Variants in PPARGC1A observed in about 807,000 individuals in gnomAD.
PPARGC1A encodes peroxisome proliferator-activated receptor gamma coactivator 1-alpha.
Under a neutral mutation model 88.7 loss-of-function variants are expected in PPARGC1A, and 25 were observed. The ratio of observed to expected loss-of-function variants is 0.28; its 90% CI spans 0.21 to 0.39. The LOEUF is 0.39. Ranked by LOEUF, PPARGC1A falls within the 10% of genes least tolerant of loss-of-function variation. PPARGC1A has a pLI of 1.00. For synonymous variants in PPARGC1A, 363 were observed against 355.6 expected, an observed-to-expected ratio of 1.02 and a Z score of -0.24; for missense variants, 880 against 968.7, an observed-to-expected ratio of 0.91 and a Z score of 1.22.
chr4:24,331,157 T>A, the PPARGC1A span, among the ~76,000 whole-genome samples: 1 of 152,344 alleles, frequency 6.6e-6, no homozygotes, highest in South Asian at 2.1e-4. Context: ...CCAGAAAACC[T>A]TGCCCATCCC....
At chr4:23,948,238 G>A in the PPARGC1A span, among the ~76,000 whole-genome samples, 1 of 152,078 alleles carries the variant, frequency 6.6e-6, no homozygotes, top group Non-Finnish European at 1.5e-5. Flanking sequence ...TCCCTCAAGG[G>A]GCTCAGCATT....
chr4:24,200,321 G>A, the PPARGC1A span, among the ~76,000 whole-genome samples: 3 of 151,894 alleles, frequency 2.0e-5, no homozygotes, highest in Admixed American at 6.6e-5. Flanking sequence ...GACCATCCTC[G>A]CCAACATGGT....
the PPARGC1A span, among the ~76,000 whole-genome samples, chr4:24,159,928 G>A: frequency 6.6e-6 from 1 of 152,210 alleles, no homozygotes; most frequent in East Asian, 1.9e-4. Flanking sequence ...ACTCCCTGAT[G>A]AGCAAGAGAG....
the PPARGC1A span, among the ~76,000 whole-genome samples, chr4:24,065,973 A>C: frequency 6.6e-6 from 1 of 152,188 alleles, no homozygotes; most frequent in Non-Finnish European, 1.5e-5. Context: ...GGAGATACTA[A>C]GTTCCCACCA....
the PPARGC1A span, among the ~76,000 whole-genome samples, chr4:24,017,360 G>C: frequency 6.6e-6 from 1 of 152,140 alleles, no homozygotes. Context: ...TAATTCCTGA[G>C]AACTAAAAGG....
At chr4:24,086,561 A>T in the PPARGC1A span, among the ~76,000 whole-genome samples, 1 of 152,234 alleles carries the variant, frequency 6.6e-6, no homozygotes, top group South Asian at 2.1e-4. Flanking sequence ...CAGTGCTCCC[A>T]TGATACATGG....
intron 10 of PPARGC1A, among the ~76,000 whole-genome samples, chr4:23,807,734 T>TG (rs1199294968): frequency 4.6e-5 from 7 of 151,346 alleles, no homozygotes; most frequent in African/African-American, 1.7e-4. Context: ...GTTTTTTTCT[T>TG]TTGTGTGTGT....
chr4:24,308,224 G>A, the PPARGC1A span, among the ~76,000 whole-genome samples: 1 of 150,084 alleles, frequency 6.7e-6, no homozygotes, highest in Non-Finnish European at 1.5e-5. Flanking sequence ...CCTGGGAGGT[G>A]GAGGTTGCAG....
At chr4:24,453,363 A>G in the PPARGC1A span, among the ~76,000 whole-genome samples, 1 of 152,262 alleles carries the variant, frequency 6.6e-6, no homozygotes, top group Admixed American at 6.5e-5. Context: ...GGCTGAAGAT[A>G]AGAACAAGTA....
intron 1 of PPARGC1A, among the ~76,000 whole-genome samples, chr4:23,896,984 AC>A (rs1456510270): frequency 6.6e-6 from 1 of 152,202 alleles, no homozygotes; most frequent in Non-Finnish European, 1.5e-5. Flanking sequence ...TAAATGTGAA[AC>A]AACCTGTGTA....
chr4:23,913,267 TAGAGAGAGAGAGAGAG>T, the PPARGC1A span, among the ~76,000 whole-genome samples: 67 of 77,504 alleles, frequency 8.6e-4, no homozygotes, highest in South Asian at 9.0e-3. Context: ...TATATATATA[TAGAGAGAGAGAGAGAG>T]AGAGAGAGAG....
chr4:23,895,338 T>A (rs1718425731), intron 1 of PPARGC1A, among the ~76,000 whole-genome samples: 1 of 151,818 alleles, frequency 6.6e-6, no homozygotes, highest in African/African-American at 2.4e-5. Context: ...TTTTCTTTTT[T>A]TTTTAATACC....
At chr4:23,904,002 T>C (rs1272608253), upstream of PPARGC1A, 23 of 964,120 alleles carry the variant, frequency 2.4e-5, no homozygotes, top group South Asian at 9.6e-5. Context: ...ACTTTCAAAA[T>C]TGAATCCATA....
At chr4:23,862,421 C>CT (rs1425293139) in intron 2 of PPARGC1A, among the ~76,000 whole-genome samples, 1 of 152,042 alleles carries the variant, frequency 6.6e-6, no homozygotes, top group Non-Finnish European at 1.5e-5. Context: ...AAGCGTAGTG[C>CT]CTGGCAATAG....
At chr4:23,907,267 C>A (rs13108219), upstream of PPARGC1A, among the ~76,000 whole-genome samples, 25,721 of 152,062 alleles carry the variant, frequency 0.17, 2,589 homozygotes, top group East Asian at 0.36. Flanking sequence ...TGATTATAAC[C>A]GAGTAGCAAT....
chr4:24,138,130 C>A, the PPARGC1A span, among the ~76,000 whole-genome samples: 1 of 152,148 alleles, frequency 6.6e-6, no homozygotes. Context: ...CAGATTAAAC[C>A]AGCTACAAGA....
At chr4:24,001,932 T>C in the PPARGC1A span, among the ~76,000 whole-genome samples, 5 of 151,996 alleles carry the variant, frequency 3.3e-5, no homozygotes, top group Non-Finnish European at 7.4e-5. Flanking sequence ...AGAGATATAA[T>C]CGGCCAAATC....
chr4:23,977,830 G>T, the PPARGC1A span, among the ~76,000 whole-genome samples: 4 of 152,130 alleles, frequency 2.6e-5, no homozygotes, highest in African/African-American at 9.7e-5. Context: ...GATGGTACCT[G>T]TTTGTCAAAA....
At chr4:24,472,110 G>A in the PPARGC1A span, among the ~76,000 whole-genome samples, 1 of 152,200 alleles carries the variant, frequency 6.6e-6, no homozygotes, top group South Asian at 2.1e-4. The surrounding 1 kb of genome is among the most constrained non-coding windows in gnomAD (Gnocchi z 4.5). Flanking sequence ...TCGGGTTCCC[G>A]CTGGGCTGGG....
Sources: allele counts gnomAD v4.1 joint callset (sites outside exome capture counted in the v4.1 genomes callset), GRCh38; gene constraint gnomAD v4.1.1; non-coding constraint Gnocchi (gnomAD v3.1); transcripts MANE v1.5; gene names NCBI Gene and HGNC (gene_info 2026-07-23, HGNC 2026-07-21).